The following PHACTR3 variants were observed in gnomAD, a reference collection of about 807,000 sequenced individuals.
The protein encoded by PHACTR3 is protein phosphatase 1, regulatory subunit 123.
In PHACTR3, 16 loss-of-function variants were observed where a neutral mutation model predicts 66.8. The ratio of observed to expected loss-of-function variants is 0.24; its 90% confidence interval spans 0.16 to 0.36. The LOEUF (loss-of-function observed/expected upper bound fraction) is 0.36, where lower values mean the gene tolerates loss of function less well. Ranked by LOEUF, PHACTR3 falls within the 10% of genes least tolerant of loss-of-function variation. The pLI is 1.00. For synonymous variants in PHACTR3, 323 were observed against 292.1 expected (o/e 1.11, Z -1.08); for missense variants, 647 against 719.9 (o/e 0.90, Z 1.16).
At chr20:59,601,263 C>T (rs921778292), upstream of PHACTR3, among the ~76,000 whole-genome samples, 2 of 152,196 alleles carry the variant, frequency 1.3e-5, no homozygotes, top group African/African-American at 4.8e-5. Context: ...ATAATGTTTT[C>T]CAGGTTCATC....
intron 1 of PHACTR3, among the ~76,000 whole-genome samples, chr20:59,700,448 T>A (rs2037459975): frequency 6.6e-6 from 1 of 152,254 alleles, no homozygotes; most frequent in Non-Finnish European, 1.5e-5. Flanking sequence ...TTTGTCTAGA[T>A]GTAAAACATT....
At chr20:59,623,955 G>A (rs78076054) in intron 1 of PHACTR3, among the ~76,000 whole-genome samples, 4,122 of 152,306 alleles carry the variant, frequency 0.027, 76 homozygotes, top group Middle Eastern at 0.071. Flanking sequence ...GGTGCCCATG[G>A]GCGTTGTGTA....
At chr20:59,591,116 G>T (rs554282358) in intron 1 of PHACTR3, among the ~76,000 whole-genome samples, 1 of 152,186 alleles carries the variant, frequency 6.6e-6, no homozygotes, top group African/African-American at 2.4e-5. Flanking sequence ...CTTCATTCTC[G>T]TAGAATATTC....
At chr20:59,717,661 G>T (rs2038141197) in intron 1 of PHACTR3, among the ~76,000 whole-genome samples, 1 of 152,114 alleles carries the variant, frequency 6.6e-6, no homozygotes, top group Non-Finnish European at 1.5e-5. Context: ...CCTGGTGCTG[G>T]CGTAAACCAT....
intron 1 of PHACTR3, among the ~76,000 whole-genome samples, chr20:59,635,133 TTC>T (rs1400113252): frequency 6.8e-4 from 55 of 81,376 alleles, no homozygotes; most frequent in South Asian, 1.7e-3. Context: ...CTTTCTTTCT[TTC>T]TTTCTTTCTT....
chr20:59,647,882 A>G (rs1475697523), intron 1 of PHACTR3, among the ~76,000 whole-genome samples: 1 of 152,138 alleles, frequency 6.6e-6, no homozygotes, highest in Non-Finnish European at 1.5e-5. Context: ...GGGATTTTGC[A>G]CTGTTTTATT....
At chr20:59,675,381 G>A (rs562611983) in intron 1 of PHACTR3, among the ~76,000 whole-genome samples, 1 of 152,114 alleles carries the variant, frequency 6.6e-6, no homozygotes, top group Admixed American at 6.5e-5. Flanking sequence ...ATTTGGACCT[G>A]GATCTGAGTC....
chr20:59,689,913 T>C (rs1290106813), intron 1 of PHACTR3, among the ~76,000 whole-genome samples: 1 of 152,188 alleles, frequency 6.6e-6, no homozygotes, highest in African/African-American at 2.4e-5. Flanking sequence ...GTCTGTGCGC[T>C]GGGAGGATAC....
At chr20:59,840,891 C>G (rs1420433605) in intron 10 of PHACTR3, among the ~76,000 whole-genome samples, 2 of 152,196 alleles carry the variant, frequency 1.3e-5, no homozygotes, top group African/African-American at 4.8e-5. Context: ...TTAACATTTA[C>G]TATGGCCAAT....
intron 1 of PHACTR3, among the ~76,000 whole-genome samples, chr20:59,742,118 T>C (rs1227923759): frequency 1.3e-5 from 2 of 152,248 alleles, no homozygotes; most frequent in Non-Finnish European, 2.9e-5. Context: ...CACACCAGTG[T>C]GTGCCTGTAT....
At chr20:59,669,643 C>T (rs539575962) in intron 1 of PHACTR3, among the ~76,000 whole-genome samples, 47 of 152,324 alleles carry the variant, frequency 3.1e-4, no homozygotes, top group African/African-American at 1.0e-3. Flanking sequence ...TCCTTTCCCC[C>T]GGCCCCTGGC....
chr20:59,651,245 A>C (rs1369834999), intron 1 of PHACTR3, among the ~76,000 whole-genome samples: 1 of 152,236 alleles, frequency 6.6e-6, no homozygotes, highest in Non-Finnish European at 1.5e-5. Flanking sequence ...TAAATGAATA[A>C]ATACATCCTC....
chr20:59,786,422 C>T (rs2040917136), intron 7 of PHACTR3, among the ~76,000 whole-genome samples: 1 of 152,240 alleles, frequency 6.6e-6, no homozygotes, highest in Non-Finnish European at 1.5e-5. Context: ...ACAGCGAGGG[C>T]TGCTGTGGCC....
chr20:59,648,866 C>G (rs968610436), intron 1 of PHACTR3, among the ~76,000 whole-genome samples: 1 of 152,150 alleles, frequency 6.6e-6, no homozygotes, highest in Non-Finnish European at 1.5e-5. Context: ...CTGTGTCCCC[C>G]ATAGGAGGGA....
intron 1 of PHACTR3, among the ~76,000 whole-genome samples, chr20:59,635,668 T>C (rs553298628): frequency 1.3e-5 from 2 of 152,254 alleles, no homozygotes; most frequent in East Asian, 3.8e-4. Context: ...CTTAATCCCA[T>C]GCTGTAGAGA....
intron 1 of PHACTR3, among the ~76,000 whole-genome samples, chr20:59,687,153 G>C (rs886234299): frequency 1.3e-5 from 2 of 150,868 alleles, no homozygotes; most frequent in Non-Finnish European, 3.0e-5. Context: ...TGATGATGAC[G>C]ATGGTGATTG....
chr20:59,636,009 G>C (rs2034889896), intron 1 of PHACTR3, among the ~76,000 whole-genome samples: 1 of 152,236 alleles, frequency 6.6e-6, no homozygotes, highest in South Asian at 2.1e-4. Context: ...TGTTTCTACA[G>C]AAAATGTTAG....
intron 1 of PHACTR3, among the ~76,000 whole-genome samples, chr20:59,719,339 A>G (rs2038207660): frequency 6.6e-6 from 1 of 151,908 alleles, no homozygotes; most frequent in South Asian, 2.1e-4. Context: ...TAATTTTTGT[A>G]TTTTTAGTAG....
At chr20:59,788,646 C>A (rs2040998591) in intron 7 of PHACTR3, among the ~76,000 whole-genome samples, 1 of 152,182 alleles carries the variant, frequency 6.6e-6, no homozygotes. Flanking sequence ...AAATCTCCAT[C>A]CCTGGCTCCA....
Sources: allele counts gnomAD v4.1 joint callset (sites outside exome capture counted in the v4.1 genomes callset), GRCh38; gene constraint gnomAD v4.1.1; transcripts MANE v1.5; gene names NCBI Gene and HGNC (gene_info 2026-07-23, HGNC 2026-07-21).